The following HYDIN variants were observed in gnomAD, a reference collection of about 807,000 sequenced individuals.
HYDIN encodes HYDIN axonemal central pair apparatus protein.
HYDIN carries 132 observed loss-of-function variants against 403.9 expected under a neutral mutation model. The ratio of observed to expected loss-of-function variants is 0.33; its 90% confidence interval spans 0.28 to 0.38. HYDIN has a LOEUF of 0.38. Ranked by LOEUF, HYDIN falls within the 10% of genes least tolerant of loss-of-function variation. The pLI, the probability that HYDIN is intolerant of heterozygous loss-of-function variation, is 1.00. For synonymous variants in HYDIN, 1,202 were observed against 1,891.7 expected (o/e 0.64, Z 9.46); for missense variants, 2,827 against 5,009.5 (o/e 0.56, Z 13.15).
chr16:71,018,668 A>G (rs1402918735), intron 22 of HYDIN, among the ~76,000 whole-genome samples: 3 of 151,380 alleles, frequency 2.0e-5, no homozygotes, highest in Admixed American at 6.6e-5. Flanking sequence ...ATAGACACTT[A>G]TGTATATGGA....
intron 37 of HYDIN, among the ~76,000 whole-genome samples, chr16:70,962,937 G>A (rs1040895081): frequency 6.6e-6 from 1 of 150,966 alleles, no homozygotes; most frequent in African/African-American, 2.4e-5. Flanking sequence ...AGCAGGGCGT[G>A]TGCCTTTCTG....
intron 1 of HYDIN, among the ~76,000 whole-genome samples, chr16:71,191,466 TA>T (rs917155282): frequency 4.0e-5 from 6 of 150,040 alleles, no homozygotes; most frequent in Admixed American, 1.3e-4. Context: ...CCCCAGAACT[TA>T]AAAAAAAAAT....
Position 71,205,618 on chromosome 16 carries a change from C to T in HYDIN, c.-23-18700G>A, listed in dbSNP as rs569902334. On this transcript the variant is annotated intron_variant, in intron 1 of 85. Coordinates refer to ENST00000393567, the MANE Select transcript of HYDIN (RefSeq NM_001270974.2). ...GAGGAGCACCAACATTGTTCTGCCACTGCTTGCCAGCCAGGGCTCAGTGTC... is the reference window on the plus strand; with the variant it reads ...GAGGAGCACCAACATTGTTCTGCCATTGCTTGCCAGCCAGGGCTCAGTGTC... Among the ~76,000 whole-genome samples, 11 of 152,370 alleles carry T rather than the reference C, an allele frequency of 7.2e-5. No homozygotes were observed. The South Asian group carries it at 2.3e-3, about 32-fold the overall frequency.
intron 9 of HYDIN, among the ~76,000 whole-genome samples, chr16:71,127,195 G>T (rs1189859699): frequency 6.6e-6 from 1 of 151,888 alleles, no homozygotes; most frequent in African/African-American, 2.4e-5. Context: ...TGCAAAAATT[G>T]TCAACCAGCT....
rs2076689780 is a variant in HYDIN, at chr16:70,911,343, T to G, written c.8005-2482A>C. Among the ~76,000 whole-genome samples, 3 of 151,554 alleles carry G rather than the reference T, an allele frequency of 2.0e-5. No homozygotes were observed. In the South Asian group the frequency reaches 6.3e-4, roughly 32 times the overall value. On this transcript the variant is annotated intron_variant, in intron 47 of 85. Coordinates refer to ENST00000393567, the MANE Select transcript of HYDIN (RefSeq NM_001270974.2). ...TCTCCTACATGTGGCTAGCCAATTATCCCAGCACTATTTGTTGAAAAGGAT... is the reference window on the plus strand; with the variant it reads ...TCTCCTACATGTGGCTAGCCAATTAGCCCAGCACTATTTGTTGAAAAGGAT...
At chr16:70,994,144 G>C (rs1295444344) in intron 23 of HYDIN, among the ~76,000 whole-genome samples, 6 of 152,018 alleles carry the variant, frequency 3.9e-5, no homozygotes, top group Non-Finnish European at 1.5e-5. Context: ...TCTTGGCTGG[G>C]CTTATTACTG....
At chr16:71,052,683 T>C in intron 18 of HYDIN, among the ~76,000 whole-genome samples, 1 of 58,210 alleles carries the variant, frequency 1.7e-5, no homozygotes, top group Admixed American at 2.2e-4. Context: ...AAACCCCATC[T>C]CTACAAAAAT....
chr16:71,050,035 T>C (rs2081584330), intron 18 of HYDIN, among the ~76,000 whole-genome samples: 6 of 149,108 alleles, frequency 4.0e-5, no homozygotes, highest in Admixed American at 4.0e-4. Context: ...GGGGTGTGTG[T>C]GTGTGTGTGG....
rs1596991350 is a variant in HYDIN, at chr16:70,802,817, T to G, written c.*4763A>C. On this transcript the variant is annotated 3_prime_UTR_variant, in exon 86 of 86. Coordinates refer to ENST00000393567, the MANE Select transcript of HYDIN (RefSeq NM_001270974.2). ...AGAAAAATCCATAAAAAATGTATTC[T>G]CCTATACAGGTGGGGTTTTCATAGT... 1.3e-5 allele frequency: 2 copies of G among 152,220 alleles called. No homozygotes were observed. Among genetic ancestry groups the G allele is most frequent in the Non-Finnish European group, 2.9e-5 (2 of 68,040 alleles). 9.4% of individuals were successfully genotyped at this position (152,220 alleles called of 1,614,324 possible).
intron 1 of HYDIN, among the ~76,000 whole-genome samples, chr16:71,201,005 T>C (rs566819695): frequency 4.6e-5 from 7 of 152,276 alleles, no homozygotes; most frequent in African/African-American, 1.7e-4. Flanking sequence ...TTCCACCCTG[T>C]TCCCTTGTCC....
chr16:71,192,085 G>T (rs992646781), intron 1 of HYDIN, among the ~76,000 whole-genome samples: 1 of 152,150 alleles, frequency 6.6e-6, no homozygotes, highest in African/African-American at 2.4e-5. Flanking sequence ...CACAGAGGAG[G>T]TAAGTAACCT....
At chr16:71,190,527 C>G (rs2087383696) in intron 1 of HYDIN, among the ~76,000 whole-genome samples, 1 of 152,012 alleles carries the variant, frequency 6.6e-6, no homozygotes, top group African/African-American at 2.4e-5. Context: ...GTTGGTTAAC[C>G]AAATAGTTGA....
chr16:71,202,964 C>T (rs951333290), intron 1 of HYDIN, among the ~76,000 whole-genome samples: 2 of 152,032 alleles, frequency 1.3e-5, no homozygotes, highest in African/African-American at 4.8e-5. Context: ...TACATGTGAC[C>T]CTAACAATGC....
At chr16:71,048,802 C>T (rs1257144785) in intron 18 of HYDIN, among the ~76,000 whole-genome samples, 2 of 152,188 alleles carry the variant, frequency 1.3e-5, no homozygotes, top group South Asian at 2.1e-4. Context: ...ATAATCTGTA[C>T]ACCAAATCCC....
At chr16:71,226,362 G>A (rs2041032926) in intron 1 of HYDIN, among the ~76,000 whole-genome samples, 1 of 151,936 alleles carries the variant, frequency 6.6e-6, no homozygotes, top group Non-Finnish European at 1.5e-5. Flanking sequence ...TAACAAATGG[G>A]GTTGGAACAT....
chr16:70,951,273 A>AGAGAGAGG (rs1194721908), intron 41 of HYDIN, among the ~76,000 whole-genome samples: 1 of 150,770 alleles, frequency 6.6e-6, no homozygotes, highest in African/African-American at 2.5e-5. Flanking sequence ...AGAGAGAGAG[A>AGAGAGAGG]GAGAGAGGGA....
intron 84 of HYDIN, among the ~76,000 whole-genome samples, chr16:70,813,422 T>C (rs1380011974): frequency 2.0e-5 from 3 of 152,030 alleles, no homozygotes; most frequent in Admixed American, 6.6e-5. Flanking sequence ...CATGAGTGAG[T>C]CTGGAGACAG....
chr16:71,020,356 G>A (rs2080437373), intron 21 of HYDIN, 39 bp from the exon 22 acceptor site: 1 of 1,591,360 alleles, frequency 6.3e-7, no homozygotes, highest in Non-Finnish European at 8.5e-7. Context: ...TCAACTTATG[G>A]TAAATACAGT....
intron 36 of HYDIN, among the ~76,000 whole-genome samples, chr16:70,965,991 G>T (rs570538134): frequency 1.3e-5 from 2 of 152,210 alleles, no homozygotes; most frequent in Admixed American, 6.5e-5. Context: ...AAAGCATAGA[G>T]ATGGCATAGA....
Sources: gnomAD v4.1 joint callset for allele counts (sites outside exome capture counted in the v4.1 genomes callset) on GRCh38, gnomAD v4.1.1 for gene constraint, MANE v1.5 for transcripts, NCBI Gene and HGNC (gene_info 2026-07-23, HGNC 2026-07-21) for gene names.